The following CIMAP2 variants were observed in gnomAD, a reference collection of about 807,000 sequenced individuals.
CIMAP2 encodes ciliary microtubule-associated protein 2.
the CIMAP2 span, among the ~76,000 whole-genome samples, chr1:54,812,863 A>G: frequency 6.6e-6 from 1 of 152,222 alleles, no homozygotes; most frequent in African/African-American, 2.4e-5. Context: ...TCAGTCATCA[A>G]TGAATAAGAA....
the CIMAP2 span, chr1:54,806,975 T>C: frequency 6.9e-6 from 11 of 1,604,650 alleles, no homozygotes; most frequent in Admixed American, 1.8e-4. Context: ...GGGCTCTCAC[T>C]GGGCCACCGT....
At chr1:54,811,766 C>CGGGGGGGGCGGG in the CIMAP2 span, 2 of 1,305,190 alleles carry the variant, frequency 1.5e-6, no homozygotes, top group Non-Finnish European at 2.2e-6. Context: ...GTTCTGACAG[C>CGGGGGGGGCGGG]CTCCATGCCC....
chr1:54,833,749 C>T, the CIMAP2 span, among the ~76,000 whole-genome samples: 1 of 152,210 alleles, frequency 6.6e-6, no homozygotes, highest in Non-Finnish European at 1.5e-5. Flanking sequence ...TACCTCTGGC[C>T]ATGTGGATAT....
chr1:54,806,091 G>A, the CIMAP2 span: 3 of 1,501,356 alleles, frequency 2.0e-6, no homozygotes, highest in Non-Finnish European at 2.7e-6. Flanking sequence ...TGGCAGCAGC[G>A]GAGGCGGGCA....
chr1:54,827,388 A>AG, the CIMAP2 span, among the ~76,000 whole-genome samples: 1 of 152,206 alleles, frequency 6.6e-6, no homozygotes, highest in East Asian at 1.9e-4. Context: ...AAAGACTTTA[A>AG]GGAAGGGAAG....
the CIMAP2 span, among the ~76,000 whole-genome samples, chr1:54,818,045 A>G: frequency 0.61 from 92,903 of 152,160 alleles, 28,984 homozygotes; most frequent in South Asian, 0.75. Context: ...AAGGCCTTTC[A>G]TAGCCTCCTA....
the CIMAP2 span, chr1:54,811,767 C>CGGGGGGGGGGGGCGG: frequency 9.2e-7 from 1 of 1,088,170 alleles, no homozygotes; most frequent in Non-Finnish European, 1.4e-6. Flanking sequence ...TTCTGACAGC[C>CGGGGGGGGGGGGCGG]TCCATGCCCC....
At chr1:54,833,420 G>A in the CIMAP2 span, among the ~76,000 whole-genome samples, 19 of 152,134 alleles carry the variant, frequency 1.2e-4, no homozygotes, top group Non-Finnish European at 1.9e-4. Context: ...TGATCCAGGC[G>A]GGGGAGTGCA....
chr1:54,813,952 C>G, the CIMAP2 span: 1 of 1,609,878 alleles, frequency 6.2e-7, no homozygotes, highest in South Asian at 1.1e-5. Context: ...CTGGGCCAAC[C>G]TCAGCCAGTG....
the CIMAP2 span, among the ~76,000 whole-genome samples, chr1:54,839,969 T>G: frequency 6.6e-6 from 1 of 151,448 alleles, no homozygotes; most frequent in Non-Finnish European, 1.5e-5. Flanking sequence ...AGGCTGATCT[T>G]GAGCACCTGG....
At chr1:54,810,515 G>A in the CIMAP2 span, among the ~76,000 whole-genome samples, 1 of 152,112 alleles carries the variant, frequency 6.6e-6, no homozygotes, top group Non-Finnish European at 1.5e-5. Context: ...CTCTGGGAGC[G>A]AACAAATCTG....
chr1:54,812,329 C>A, the CIMAP2 span: 1 of 1,282,368 alleles, frequency 7.8e-7, no homozygotes, highest in Non-Finnish European at 1.1e-6. Context: ...ACCCTCACAG[C>A]CAGGGCTGGA....
chr1:54,840,369 G>C, the CIMAP2 span, among the ~76,000 whole-genome samples: 1 of 152,196 alleles, frequency 6.6e-6, no homozygotes, highest in Non-Finnish European at 1.5e-5. Flanking sequence ...GACACAGTTT[G>C]TTTATCCATT....
the CIMAP2 span, among the ~76,000 whole-genome samples, chr1:54,814,130 T>C: frequency 6.6e-6 from 1 of 152,158 alleles, no homozygotes; most frequent in Non-Finnish European, 1.5e-5. Flanking sequence ...ATTGGGACAC[T>C]TTAGGTGAGA....
At chr1:54,826,562 G>A in the CIMAP2 span, among the ~76,000 whole-genome samples, 2 of 152,156 alleles carry the variant, frequency 1.3e-5, no homozygotes, top group Non-Finnish European at 2.9e-5. Flanking sequence ...TCAGGGGATC[G>A]GTGGGACCCA....
the CIMAP2 span, among the ~76,000 whole-genome samples, chr1:54,833,025 A>T: frequency 6.6e-6 from 1 of 152,102 alleles, no homozygotes; most frequent in Admixed American, 6.6e-5. Flanking sequence ...TCAAAAAAAA[A>T]AATTAATAAA....
At chr1:54,838,973 CAAAG>C in the CIMAP2 span, among the ~76,000 whole-genome samples, 2 of 152,114 alleles carry the variant, frequency 1.3e-5, no homozygotes, top group African/African-American at 4.8e-5. Flanking sequence ...GGAGAGGCTG[CAAAG>C]TCACATTGGA....
the CIMAP2 span, among the ~76,000 whole-genome samples, chr1:54,836,509 G>A: frequency 6.6e-6 from 1 of 151,594 alleles, no homozygotes; most frequent in African/African-American, 2.4e-5. Flanking sequence ...AGGGAGAAAC[G>A]TTGGCCTTGG....
the CIMAP2 span, among the ~76,000 whole-genome samples, chr1:54,815,636 A>C: frequency 6.6e-6 from 1 of 152,110 alleles, no homozygotes; most frequent in African/African-American, 2.4e-5. Flanking sequence ...AACCAGCTAA[A>C]TTCTTGGCCT....
Sources: gnomAD v4.1 joint callset for allele counts (sites outside exome capture counted in the v4.1 genomes callset) on GRCh38, gnomAD v4.1.1 for gene constraint, MANE v1.5 for transcripts, NCBI Gene and HGNC (gene_info 2026-07-23, HGNC 2026-07-21) for gene names.